PRKCH: variants seen among roughly 807,000 people sequenced by gnomAD.
PRKCH encodes the protein protein kinase C eta type.
Under a neutral mutation model 82.5 loss-of-function variants are expected in PRKCH, and 28 were observed. The ratio of observed to expected loss-of-function variants is 0.34; its 90% CI spans 0.25 to 0.47. The LOEUF (loss-of-function observed/expected upper bound fraction) is 0.47, where lower values mean the gene tolerates loss of function less well. Among genes scored for constraint, PRKCH ranks in the 20% least tolerant of loss-of-function variants. The probability of loss-of-function intolerance (pLI) is 1.00; values close to 1 mark genes in which losing one functional copy is unlikely to be tolerated. For missense variants in PRKCH, 705 were observed against 881.8 expected (o/e 0.80, Z 2.54); for synonymous variants, 322 against 327.4 (o/e 0.98, Z 0.18).
At chr14:61,300,648 G>A (rs949664336) in intron 1 of PRKCH, among the ~76,000 whole-genome samples, 9 of 152,152 alleles carry the variant, frequency 5.9e-5, no homozygotes, top group Non-Finnish European at 1.3e-4. Context: ...CCTTGGTAAG[G>A]TTTTCCTTTT....
intron 1 of PRKCH, among the ~76,000 whole-genome samples, chr14:61,315,985 T>A (rs1357429365): frequency 6.6e-6 from 1 of 152,118 alleles, no homozygotes; most frequent in Non-Finnish European, 1.5e-5. Context: ...TGACCTCAGG[T>A]GATCCACCTG....
At chr14:61,205,258 C>A (rs1027447302) in intron 1 of PRKCH, among the ~76,000 whole-genome samples, 1 of 152,156 alleles carries the variant, frequency 6.6e-6, no homozygotes, top group Non-Finnish European at 1.5e-5. Flanking sequence ...TTTAAAGAGC[C>A]CATGGGTTTC....
At chr14:61,325,650 A>C (rs2045685473) in intron 1 of PRKCH, among the ~76,000 whole-genome samples, 1 of 152,212 alleles carries the variant, frequency 6.6e-6, no homozygotes, top group Non-Finnish European at 1.5e-5. Flanking sequence ...TTCCCAGAGA[A>C]TGTTTAAGAA....
intron 1 of PRKCH, among the ~76,000 whole-genome samples, chr14:61,294,170 G>A (rs1453464052): frequency 6.6e-6 from 1 of 151,918 alleles, no homozygotes; most frequent in Non-Finnish European, 1.5e-5. Flanking sequence ...GCCCAGGCTG[G>A]AGTGCAGTGG....
At chr14:61,464,938 G>A (rs1413950397) in intron 9 of PRKCH, among the ~76,000 whole-genome samples, 1 of 152,256 alleles carries the variant, frequency 6.6e-6, no homozygotes, top group East Asian at 1.9e-4. Flanking sequence ...GGTATTTCTG[G>A]TTCTAGATCC....
intron 2 of PRKCH, among the ~76,000 whole-genome samples, chr14:61,414,655 A>T (rs1446346696): frequency 7.3e-6 from 1 of 137,404 alleles, no homozygotes; most frequent in Middle Eastern, 4.1e-3. Context: ...AGTTTTTTGT[A>T]TATTTAGTAG....
At chr14:61,481,761 A>G (rs1341357224) in intron 9 of PRKCH, among the ~76,000 whole-genome samples, 1 of 152,160 alleles carries the variant, frequency 6.6e-6, no homozygotes, top group Non-Finnish European at 1.5e-5. Flanking sequence ...ATCTGTCTGC[A>G]TTTTTGGCTA....
chr14:61,273,848 A>G (rs2045179396), intron 1 of PRKCH, among the ~76,000 whole-genome samples: 1 of 152,202 alleles, frequency 6.6e-6, no homozygotes, highest in Non-Finnish European at 1.5e-5. Context: ...TAGGAAACAA[A>G]ATGTTCACTG....
intron 9 of PRKCH, chr14:61,463,500 A>G (rs1594734964): frequency 6.6e-6 from 1 of 152,168 alleles, no homozygotes; most frequent in African/African-American, 2.4e-5. Context: ...AATCATATAC[A>G]CTGCTTACAA....
intron 1 of PRKCH, among the ~76,000 whole-genome samples, chr14:61,229,626 G>T (rs1368935007): frequency 6.6e-6 from 1 of 152,162 alleles, no homozygotes; most frequent in Non-Finnish European, 1.5e-5. Context: ...AAGATTTGGC[G>T]GGGACTGTTG....
chr14:61,282,797 GGAAATTCAAGTGACTTGAATTTCA>G, intron 1 of PRKCH, among the ~76,000 whole-genome samples: 1 of 151,906 alleles, frequency 6.6e-6, no homozygotes, highest in Non-Finnish European at 1.5e-5. Flanking sequence ...GAAGACTGAG[GGAAATTCAAGTGACTTGAATTTCA>G]ATTCCCTCAC....
chr14:61,266,847 G>A (rs375078507), intron 1 of PRKCH, among the ~76,000 whole-genome samples: 21 of 152,276 alleles, frequency 1.4e-4, no homozygotes, highest in East Asian at 1.2e-3. Flanking sequence ...TTGCTGAAAC[G>A]GCGCCTAGGG....
chr14:61,440,833 C>T (rs1268792185), intron 2 of PRKCH, among the ~76,000 whole-genome samples: 1 of 151,988 alleles, frequency 6.6e-6, no homozygotes, highest in African/African-American at 2.4e-5. Flanking sequence ...GAGAACACGC[C>T]ACTGCACTCC....
chr14:61,512,967 C>A (rs1004805083), intron 10 of PRKCH, among the ~76,000 whole-genome samples: 4 of 152,070 alleles, frequency 2.6e-5, no homozygotes, highest in African/African-American at 9.7e-5. Flanking sequence ...CAGGTACACA[C>A]CACCACACCC....
At chr14:61,334,660 A>G (rs1193164281) in intron 1 of PRKCH, among the ~76,000 whole-genome samples, 1 of 152,110 alleles carries the variant, frequency 6.6e-6, no homozygotes, top group Non-Finnish European at 1.5e-5. Flanking sequence ...AGCTCGGGGC[A>G]TTGTCCCAGA....
intron 2 of PRKCH, among the ~76,000 whole-genome samples, chr14:61,409,695 C>T (rs991612945): frequency 2.6e-4 from 27 of 102,732 alleles, no homozygotes; most frequent in African/African-American, 9.5e-4. Flanking sequence ...CACAGTGAGA[C>T]CCTGTCTCAA....
chr14:61,244,027 C>T (rs775027511), intron 1 of PRKCH, among the ~76,000 whole-genome samples: 11 of 151,998 alleles, frequency 7.2e-5, no homozygotes, highest in Non-Finnish European at 1.6e-4. Flanking sequence ...CACATCACCG[C>T]AGCCTGGCTC....
At chr14:61,335,204 T>G (rs2045841011) in intron 1 of PRKCH, among the ~76,000 whole-genome samples, 2 of 152,038 alleles carry the variant, frequency 1.3e-5, no homozygotes, top group African/African-American at 4.8e-5. Flanking sequence ...GAAAGTTTCT[T>G]AGGGGTGGGG....
Position 61,395,290 on chromosome 14 carries a change from G to GCTC in PRKCH, c.427+4003_427+4004insTCC, listed in dbSNP as rs1555383073. Among the ~76,000 whole-genome samples, 7 of 124,360 alleles carry GCTC rather than the reference G, an allele frequency of 5.6e-5. No individual in the cohort carries two copies. The East Asian group carries it at 2.2e-3, about 38-fold the overall frequency. 81.6% of individuals were successfully genotyped at this position (124,360 alleles called of 152,430 possible). On this transcript the variant is annotated intron_variant, in intron 2 of 13. Coordinates refer to ENST00000332981, the MANE Select transcript of PRKCH (RefSeq NM_006255.5). ...CTGTGTTAAGTAAGAAGGAAATGGAGCCCCCCCCCGCATTTGCCTGCCACA... is the reference window on the plus strand; with the variant it reads ...CTGTGTTAAGTAAGAAGGAAATGGAGCTCCCCCCCCCCGCATTTGCCTGCCACA...
Sources: allele counts gnomAD v4.1 joint callset (sites outside exome capture counted in the v4.1 genomes callset), GRCh38; gene constraint gnomAD v4.1.1; transcripts MANE v1.5; gene names NCBI Gene and HGNC (gene_info 2026-07-23, HGNC 2026-07-21).